The following LRBA variants were observed in gnomAD, a reference collection of about 807,000 sequenced individuals.
LRBA encodes lipopolysaccharide-responsive and beige-like anchor protein.
Under a neutral mutation model 330.0 loss-of-function variants are expected in LRBA, and 176 were observed. The ratio of observed to expected loss-of-function variants is 0.53; its 90% CI spans 0.47 to 0.60. The LOEUF is 0.60. Ranked by LOEUF, LRBA falls within the 20% of genes least tolerant of loss-of-function variation. LRBA has a pLI of 0.00. For missense variants in LRBA, 3,259 were observed against 3,444.8 expected, an observed-to-expected ratio of 0.95 and a Z score of 1.35; for synonymous variants, 1,230 against 1,193.0, an observed-to-expected ratio of 1.03 and a Z score of -0.64.
At chr4:150,288,793 C>A (rs115641170) in intron 53 of LRBA, among the ~76,000 whole-genome samples, 1 of 104,052 alleles carries the variant, frequency 9.6e-6, no homozygotes, top group Non-Finnish European at 2.1e-5. Context: ...TGTGATTGTT[C>A]TTTTTTTTTT....
At chr4:150,287,743 A>T (rs1201410783) in intron 53 of LRBA, among the ~76,000 whole-genome samples, 4 of 152,206 alleles carry the variant, frequency 2.6e-5, no homozygotes, top group Non-Finnish European at 5.9e-5. Flanking sequence ...GAGACCAAAA[A>T]TAACATACAA....
intron 36 of LRBA, among the ~76,000 whole-genome samples, chr4:150,724,874 A>ATATATATACATATATATATG (rs1729448941): frequency 6.8e-6 from 1 of 147,266 alleles, no homozygotes; most frequent in African/African-American, 2.5e-5. Flanking sequence ...AAATATATGT[A>ATATATATACATATATATATG]TATATATACA....
At chr4:150,576,735 T>C (rs1376666182) in intron 40 of LRBA, among the ~76,000 whole-genome samples, 1 of 151,844 alleles carries the variant, frequency 6.6e-6, no homozygotes, top group Non-Finnish European at 1.5e-5. Flanking sequence ...ATATATTATC[T>C]AAGGCAATCC....
chr4:150,534,905 T>C (rs1228297565), intron 40 of LRBA, among the ~76,000 whole-genome samples: 1 of 152,178 alleles, frequency 6.6e-6, no homozygotes, highest in Non-Finnish European at 1.5e-5. Context: ...TGACAGAGGT[T>C]TTGTTTCAGT....
intron 40 of LRBA, among the ~76,000 whole-genome samples, chr4:150,554,061 C>T (rs530656502): frequency 5.8e-4 from 88 of 152,250 alleles, no homozygotes; most frequent in Non-Finnish European, 1.2e-3. Flanking sequence ...AGAAACCTTG[C>T]TAAAGCAGGA....
Position 150,624,954 on chromosome 4 carries a change from CA to C in LRBA, c.5922-25824del, listed in dbSNP as rs1776703021. On this transcript the variant is annotated intron_variant, in intron 37 of 56. Coordinates refer to ENST00000651943, the MANE Select transcript of LRBA (RefSeq NM_001364905.1). ...GAAGTGATTTTCAGAAAGAAACACTCATTTTATATTGGATTGTTTGGCTTTT... is the reference window on the plus strand; with the variant it reads ...GAAGTGATTTTCAGAAAGAAACACTCTTTTATATTGGATTGTTTGGCTTTT... 2.0e-5 allele frequency among the ~76,000 whole-genome samples: 3 copies of C among 152,144 alleles called. No homozygotes were observed. In the South Asian group the frequency reaches 6.2e-4, roughly 32 times the overall value.
intron 42 of LRBA, among the ~76,000 whole-genome samples, chr4:150,472,206 G>A (rs1423509376): frequency 2.6e-5 from 4 of 151,902 alleles, no homozygotes; most frequent in African/African-American, 9.7e-5. Flanking sequence ...TAAACTATTT[G>A]GGCGTCTGTT....
chr4:150,593,838 G>A (rs1005960923), intron 38 of LRBA, among the ~76,000 whole-genome samples: 4 of 152,012 alleles, frequency 2.6e-5, no homozygotes, highest in Non-Finnish European at 5.9e-5. Flanking sequence ...ACAAAAAAAT[G>A]AGAGTCCCCA....
intron 37 of LRBA, among the ~76,000 whole-genome samples, chr4:150,610,386 G>A (rs1386857710): frequency 2.6e-5 from 4 of 152,054 alleles, no homozygotes; most frequent in Non-Finnish European, 4.4e-5. Flanking sequence ...TCAGGAGTTC[G>A]AGACCATCCT....
chr4:150,421,076 A>G (rs1748683398), intron 46 of LRBA, among the ~76,000 whole-genome samples: 1 of 54,644 alleles, frequency 1.8e-5, no homozygotes, highest in Non-Finnish European at 3.2e-5. Flanking sequence ...AGTATATATA[A>G]TATACATTAT....
chr4:150,829,236 C>CT (rs1746786834), intron 29 of LRBA, among the ~76,000 whole-genome samples: 1 of 152,058 alleles, frequency 6.6e-6, no homozygotes, highest in Admixed American at 6.6e-5. Flanking sequence ...ATGCCTGGCC[C>CT]AAGTCCGCAA....
chr4:150,827,302 G>T (rs1746412767), intron 30 of LRBA, among the ~76,000 whole-genome samples: 1 of 152,154 alleles, frequency 6.6e-6, no homozygotes, highest in Non-Finnish European at 1.5e-5. Flanking sequence ...AGCAAATGGT[G>T]AAAGAAGGGT....
chr4:150,549,667 T>C (rs1408984286), intron 40 of LRBA, among the ~76,000 whole-genome samples: 1 of 152,216 alleles, frequency 6.6e-6, no homozygotes, highest in Non-Finnish European at 1.5e-5. Flanking sequence ...AAGTATTATA[T>C]CAGTTGAGAA....
chr4:150,892,468 A>G (rs902440311), intron 17 of LRBA, among the ~76,000 whole-genome samples: 4 of 152,202 alleles, frequency 2.6e-5, no homozygotes, highest in African/African-American at 9.6e-5. Context: ...TCTCTGCTAC[A>G]TGACAACACA....
chr4:150,459,719 G>A (rs184535605), intron 44 of LRBA, among the ~76,000 whole-genome samples: 28 of 151,912 alleles, frequency 1.8e-4, no homozygotes, highest in East Asian at 1.2e-3. Flanking sequence ...ACTTTCCAAG[G>A]CCAGACAATG....
intron 37 of LRBA, among the ~76,000 whole-genome samples, chr4:150,658,513 C>T (rs572199746): frequency 0.11 from 3 of 28 alleles, no homozygotes; most frequent in East Asian, 0.5. Context: ...AAGTCTCCCT[C>T]TCCCTCTCCC....
intron 35 of LRBA, among the ~76,000 whole-genome samples, chr4:150,757,061 T>A (rs1734408752): frequency 1.3e-5 from 2 of 152,288 alleles, no homozygotes; most frequent in South Asian, 2.1e-4. Flanking sequence ...ATTATAAGTA[T>A]ATGTATTTTT....
rs558050262 is a variant in LRBA at position 150,610,496 on chromosome 4, G to A, written c.5922-11365C>T. Among the ~76,000 whole-genome samples the A allele has an allele frequency of 5.9e-5, 9 of 152,212 alleles. 1 individual carries two copies. The South Asian group carries it at 1.9e-3, about 32-fold the overall frequency. ...CCCAGCTACACGGGAGACTGAGGCA[G>A]GAGAATCGCTTGAACCTGGGAGGCA... On this transcript the variant is annotated intron_variant, in intron 37 of 56. Transcript: ENST00000651943.
chr4:150,897,844 A>G, intron 14 of LRBA, 26 bp from the exon 15 acceptor site: 1 of 1,470,528 alleles, frequency 6.8e-7, no homozygotes, highest in Non-Finnish European at 9.5e-7. Context: ...ACACATACAC[A>G]TTTAGTATTT....
Sources: gnomAD v4.1 joint callset for allele counts (sites outside exome capture counted in the v4.1 genomes callset) on GRCh38, gnomAD v4.1.1 for gene constraint, MANE v1.5 for transcripts, NCBI Gene and HGNC (gene_info 2026-07-23, HGNC 2026-07-21) for gene names.